Variants in MMP16 observed in about 807,000 individuals in gnomAD.
MMP16 encodes matrix metalloproteinase-16.
A neutral mutation model predicts 67.8 loss-of-function variants in MMP16; 12 were observed. The ratio of observed to expected loss-of-function variants is 0.18; its 90% CI spans 0.11 to 0.29. MMP16 has a LOEUF of 0.29. Among genes scored for constraint, MMP16 ranks in the 10% least tolerant of loss-of-function variants. The pLI, the probability that MMP16 is intolerant of heterozygous loss-of-function variation, is 1.00. For synonymous variants in MMP16, 249 were observed against 255.9 expected (o/e 0.97, Z 0.26); for missense variants, 475 against 765.7 (o/e 0.62, Z 4.48).
chr8:88,116,910 G>A (rs1431900279), intron 5 of MMP16, among the ~76,000 whole-genome samples, 192 bp from the exon 6 acceptor site: 7 of 151,998 alleles, frequency 4.6e-5, no homozygotes, highest in Admixed American at 3.9e-4. Context: ...ATCTGAAACC[G>A]TCCTTATCAT....
chr8:88,150,723 G>C (rs1317690994), intron 4 of MMP16, among the ~76,000 whole-genome samples: 1 of 145,762 alleles, frequency 6.9e-6, no homozygotes, highest in Non-Finnish European at 1.5e-5. Context: ...CGCTAAACAT[G>C]GAAAGGAACA....
intron 1 of MMP16, among the ~76,000 whole-genome samples, chr8:88,210,843 G>C (rs768155049): frequency 7.9e-5 from 12 of 152,074 alleles, no homozygotes; most frequent in Admixed American, 3.9e-4. Flanking sequence ...GGAGAGTACT[G>C]ATACTCAATG....
chr8:88,095,864 C>G (rs769436439), intron 6 of MMP16, among the ~76,000 whole-genome samples: 11 of 151,826 alleles, frequency 7.2e-5, no homozygotes, highest in Non-Finnish European at 1.5e-5. Context: ...AAAAGCTAGG[C>G]GCTATGCTAG....
intron 1 of MMP16, among the ~76,000 whole-genome samples, chr8:88,296,755 G>T (rs968535536): frequency 2.0e-5 from 3 of 149,706 alleles, no homozygotes; most frequent in African/African-American, 4.9e-5. Flanking sequence ...TGAGGCACTA[G>T]AATCACTTGA....
At chr8:88,206,183 G>C (rs1809423322) in intron 1 of MMP16, among the ~76,000 whole-genome samples, 1 of 151,976 alleles carries the variant, frequency 6.6e-6, no homozygotes, top group Non-Finnish European at 1.5e-5. Flanking sequence ...CAATTTTCAA[G>C]GATGCACTTT....
chr8:88,185,605 C>T (rs1188608015), intron 3 of MMP16, among the ~76,000 whole-genome samples: 2 of 152,132 alleles, frequency 1.3e-5, no homozygotes, highest in Non-Finnish European at 2.9e-5. Context: ...CATTTCTATT[C>T]ACATAATCTG....
intron 1 of MMP16, among the ~76,000 whole-genome samples, chr8:88,311,604 C>G (rs1271630674): frequency 6.6e-6 from 1 of 152,122 alleles, no homozygotes; most frequent in African/African-American, 2.4e-5. Context: ...TATGACATGT[C>G]ATTTTTAATG....
In MMP16 at chr8:88,178,286, A is replaced by AT. The variant is rs1808925285; in HGVS notation, c.404+8189_404+8190insA. On this transcript the variant is annotated intron_variant, in intron 3 of 9. Transcript: ENST00000286614. ...AAGTTTCAGAATGAGAATTCATAAT[A>AT]ACTGATCAATAGGCTAAGGGGTCTA... Among the ~76,000 whole-genome samples the AT allele has an allele frequency of 1.3e-5, 2 of 152,188 alleles. 1 individual carries two copies. The highest frequency in any genetic ancestry group is 4.1e-4 in the South Asian group (2 of 4,832).
At chr8:88,262,827 C>A (rs575092267) in intron 1 of MMP16, among the ~76,000 whole-genome samples, 2 of 132,204 alleles carry the variant, frequency 1.5e-5, no homozygotes, top group Non-Finnish European at 3.2e-5. Context: ...ATGGTGAAAC[C>A]CCGTCTCTAC....
At chr8:88,305,213 G>C (rs1563590216) in intron 1 of MMP16, among the ~76,000 whole-genome samples, 2 of 152,078 alleles carry the variant, frequency 1.3e-5, no homozygotes. Flanking sequence ...ATTACATGAT[G>C]GTAAATGGTT....
At chr8:88,293,245 TTCCC>T (rs1241477271) in intron 1 of MMP16, among the ~76,000 whole-genome samples, 1 of 152,144 alleles carries the variant, frequency 6.6e-6, no homozygotes. Context: ...TCTTACTACC[TTCCC>T]TCCTTCCACT....
intron 6 of MMP16, among the ~76,000 whole-genome samples, chr8:88,116,279 C>G (rs977614761): frequency 6.6e-6 from 1 of 152,038 alleles, no homozygotes. Flanking sequence ...ACATTTTAGG[C>G]ATTTTAGCTT....
At chr8:88,214,658 T>C (rs1809560914) in intron 1 of MMP16, among the ~76,000 whole-genome samples, 1 of 152,200 alleles carries the variant, frequency 6.6e-6, no homozygotes, top group Admixed American at 6.5e-5. Context: ...TAAAATTTAC[T>C]CTCTGAGCAA....
chr8:88,094,408 T>G (rs1808991548), intron 6 of MMP16, among the ~76,000 whole-genome samples: 1 of 151,690 alleles, frequency 6.6e-6, no homozygotes, highest in Admixed American at 6.6e-5. Context: ...TCACTGATTT[T>G]CAAATTAACA....
chr8:88,035,569 A>T lies in MMP16; in HGVS notation c.*5892T>A, dbSNP rs540012143. ...GCCCTTATTTGCCTTAGAAAACATT[A>T]GTTATGAATGTCTGTGAAGTCTCCG... On this transcript the variant is annotated 3_prime_UTR_variant, in exon 10 of 10. Transcript: ENST00000286614. The surrounding 1 kb of genome is among the most constrained non-coding windows in gnomAD (Gnocchi z 4.7). 6.6e-6 allele frequency: 1 copy of T among 152,004 alleles called. No homozygotes were observed. The highest frequency in any genetic ancestry group is 1.5e-5 in the Non-Finnish European group (1 of 67,920). The allele number at this position is 152,004 out of a possible 1,614,324, so 9.4% of individuals were successfully genotyped here.
intron 4 of MMP16, among the ~76,000 whole-genome samples, chr8:88,141,523 T>A (rs1479992806): frequency 6.6e-6 from 1 of 152,106 alleles, no homozygotes; most frequent in Admixed American, 6.5e-5. Flanking sequence ...CACCTACAAC[T>A]ATTACCTCAG....
At chr8:88,239,982 C>G (rs561833688) in intron 1 of MMP16, among the ~76,000 whole-genome samples, 34 of 152,194 alleles carry the variant, frequency 2.2e-4, no homozygotes, top group Non-Finnish European at 7.4e-5. Flanking sequence ...TACCCTTTAG[C>G]CTTTAATGCT....
In MMP16 at chr8:88,174,757, C is replaced by CTT. The variant is rs61133999; in HGVS notation, c.405-6786_405-6785dup. 8.0e-3 allele frequency among the ~76,000 whole-genome samples: 1,120 copies of CTT among 139,742 alleles called. 10 individuals carry two copies. The highest frequency in any genetic ancestry group is 0.027 in the African/African-American group (1,039 of 38,144). 91.7% of individuals were successfully genotyped at this position (139,742 alleles called of 152,430 possible). A position where few individuals can be genotyped will look rare whatever the true frequency, so the allele number is the denominator to read the frequency against. On this transcript the variant is annotated intron_variant, in intron 3 of 9. Coordinates refer to ENST00000286614, the MANE Select transcript of MMP16 (RefSeq NM_005941.5). ...TTCCAGCTCCCTTACATTTTGACTG[C>CTT]TTTTTTTTTTTTTTTGAGATGGAGT...
intron 1 of MMP16, among the ~76,000 whole-genome samples, chr8:88,217,944 G>A (rs1809620410): frequency 6.6e-6 from 1 of 151,964 alleles, no homozygotes; most frequent in Non-Finnish European, 1.5e-5. Context: ...ACAGAACACT[G>A]CACCTTGGTT....
Sources: gnomAD v4.1 joint callset for allele counts (sites outside exome capture counted in the v4.1 genomes callset) on GRCh38, gnomAD v4.1.1 for gene constraint, Gnocchi (gnomAD v3.1) non-coding constraint, MANE v1.5 for transcripts, NCBI Gene and HGNC (gene_info 2026-07-23, HGNC 2026-07-21) for gene names.